The following IL16 variants were observed in gnomAD, a reference collection of about 807,000 sequenced individuals.
IL16 encodes interleukin 16, also known as pro-interleukin-16.
A neutral mutation model predicts 110.1 loss-of-function variants in IL16; 67 were observed. The ratio of observed to expected loss-of-function variants is 0.61; its 90% CI spans 0.50 to 0.75. The LOEUF (loss-of-function observed/expected upper bound fraction) is 0.75. Among genes scored for constraint, IL16 ranks in the 30% least tolerant of loss-of-function variants. The probability of loss-of-function intolerance (pLI) is 0.00; values close to 1 mark genes in which losing one functional copy is unlikely to be tolerated. For missense variants in IL16, 1,545 were observed against 1,655.0 expected, an observed-to-expected ratio of 0.93 and a Z score of 1.15; for synonymous variants, 689 against 662.9, an observed-to-expected ratio of 1.04 and a Z score of -0.61.
At chr15:81,283,388 A>T (rs999063675) in intron 9 of IL16, among the ~76,000 whole-genome samples, 1 of 151,956 alleles carries the variant, frequency 6.6e-6, no homozygotes, top group Non-Finnish European at 1.5e-5. Context: ...AAAAAAAGAG[A>T]ATGATCTGGG....
At chr15:81,268,341 A>G (rs1057332411) in intron 4 of IL16, among the ~76,000 whole-genome samples, 1 of 152,288 alleles carries the variant, frequency 6.6e-6, no homozygotes, top group Non-Finnish European at 1.5e-5. Context: ...ACAAACAGCT[A>G]TACAGCCAAG....
chr15:81,292,976 G>A lies in IL16; in HGVS notation c.1841G>A (p.Ser614Asn). The A allele has an allele frequency of 2.5e-6, 4 of 1,613,800 alleles. No individual in the cohort carries two copies. Among genetic ancestry groups the A allele is most frequent in the Non-Finnish European group, 3.4e-6 (4 of 1,180,048 alleles). Residue 614 changes from serine (S) to asparagine (N), a missense_variant, in exon 12 of 19, where the codon AGT becomes AAT. Around this residue, in one of 3 missense-constraint regions of IL16, gnomAD observed 1,185 missense variants for 1,238.8 expected, o/e 0.96. Coordinates refer to ENST00000683961, the MANE Select transcript of IL16 (RefSeq NM_172217.5). ...YFKSDSDPQK[S>N]LEERENSSCS... ...AAAAGTGACAGTGACCCTCAGAAGAGTCTGGAAGAGAGAGAGAACTCCTCA... is the reference window on the plus strand; with the variant it reads ...AAAAGTGACAGTGACCCTCAGAAGAATCTGGAAGAGAGAGAGAACTCCTCA...
At chr15:81,243,033 G>C (rs991609181) in intron 2 of IL16, among the ~76,000 whole-genome samples, 1 of 149,444 alleles carries the variant, frequency 6.7e-6, no homozygotes, top group African/African-American at 2.5e-5. Flanking sequence ...CTTGAATATT[G>C]AGCCATCCTT....
Position 81,303,649 on chromosome 15 carries a change from C to T in IL16, c.3419C>T (p.Thr1140Met), listed in dbSNP as rs373703375. Reference sequence around the variant, plus strand: ...GCAGATCTAGAAAACAAGGTGATTACGGTGAGTGGCCAAGTGAAGGGGCAT... The same window carrying T: ...GCAGATCTAGAAAACAAGGTGATTATGGTGAGTGGCCAAGTGAAGGGGCAT... ...GGADLENKVI[T>M]VHRVFPNGLA... is the part of the protein sequence containing the mutation. Residue 1140 changes from threonine to methionine, a missense_variant and splice_region_variant, in exon 16 of 19, where the codon ACG (threonine) becomes ATG (methionine). By Grantham distance (81) the Thr-to-Met change is moderately conservative. This residue lies in a region of IL16 where 356 missense variants were observed against 399.3 expected (regional missense o/e 0.89). Coordinates refer to ENST00000683961, the MANE Select transcript of IL16 (RefSeq NM_172217.5). This position sits in a 1 kb window ranked among gnomAD's most constrained non-coding sequence, Gnocchi z 4.1. 53 of 1,598,962 alleles carry T rather than the reference C, an allele frequency of 3.3e-5. No individual in the cohort carries two copies. Among genetic ancestry groups the T allele is most frequent in the Middle Eastern group, 3.3e-4 (2 of 6,042 alleles).
rs1023669299 is a variant in IL16 at position 81,313,828 on chromosome 15, T to C, written c.*5030T>C. 1 of 153,208 alleles carries C rather than the reference T, an allele frequency of 6.5e-6. No individual in the cohort carries two copies. The highest frequency in any genetic ancestry group is 1.5e-5 in the Non-Finnish European group (1 of 68,764). 9.5% of individuals were successfully genotyped at this position (153,208 alleles called of 1,614,324 possible). A position where few individuals can be genotyped will look rare whatever the true frequency, so the allele number is the denominator to read the frequency against. On this transcript the variant is annotated 3_prime_UTR_variant, in exon 19 of 19. Transcript: ENST00000683961. The stretch of plus-strand genomic sequence containing the variant: ...GGGTCTACAAAGTTAACACTATTTT[T>C]ATAACAACACGAACATGTGATTCGC...
chr15:81,228,148 C>T (rs1247502186), intron 2 of IL16, among the ~76,000 whole-genome samples: 8 of 152,034 alleles, frequency 5.3e-5, no homozygotes, highest in Non-Finnish European at 1.2e-4. Context: ...CTGGGGTCTC[C>T]GGGCACAGGT....
intron 2 of IL16, among the ~76,000 whole-genome samples, chr15:81,256,332 C>CTTTTT (rs386383603): frequency 7.2e-5 from 9 of 125,746 alleles, no homozygotes; most frequent in African/African-American, 1.9e-4. Flanking sequence ...TCTTTACAAA[C>CTTTTT]TTTTTTTTTT....
At chr15:81,219,767 G>T (rs999931898) in intron 1 of IL16, among the ~76,000 whole-genome samples, 1 of 152,158 alleles carries the variant, frequency 6.6e-6, no homozygotes, top group African/African-American at 2.4e-5. Context: ...TCATTCTGTG[G>T]TCCTAGCTGA....
chr15:81,205,065 G>T (rs1895965989), intron 1 of IL16, among the ~76,000 whole-genome samples: 1 of 152,110 alleles, frequency 6.6e-6, no homozygotes, highest in South Asian at 2.1e-4. Context: ...CCAGCACCTT[G>T]GGGGGCCAAG....
At chr15:81,188,554 G>T (rs1412402429) in intron 1 of IL16, among the ~76,000 whole-genome samples, 1 of 152,152 alleles carries the variant, frequency 6.6e-6, no homozygotes, top group East Asian at 1.9e-4. Flanking sequence ...CCAGGGGATA[G>T]GTACTCAGGC....
At chr15:81,250,865 A>G (rs1369168619) in intron 2 of IL16, among the ~76,000 whole-genome samples, 1 of 152,214 alleles carries the variant, frequency 6.6e-6, no homozygotes, top group Non-Finnish European at 1.5e-5. Flanking sequence ...CAAACTTAAA[A>G]TGAAGATATA....
At chr15:81,274,443 C>T (rs111488278) in intron 6 of IL16, among the ~76,000 whole-genome samples, 11,716 of 152,214 alleles carry the variant, frequency 0.077, 1,408 homozygotes, top group African/African-American at 0.26. Context: ...AGGGTGCCCC[C>T]ATCTCAGCCT....
At chr15:81,298,521 A>T (rs1460504239) in intron 13 of IL16, among the ~76,000 whole-genome samples, 1 of 152,170 alleles carries the variant, frequency 6.6e-6, no homozygotes, top group Admixed American at 6.5e-5. Context: ...GCACATTGCA[A>T]TCCCCTGCTC....
intron 6 of IL16, among the ~76,000 whole-genome samples, chr15:81,276,602 C>T (rs560056503): frequency 6.6e-6 from 1 of 152,250 alleles, no homozygotes; most frequent in South Asian, 2.1e-4. Flanking sequence ...CCTCAGTTGG[C>T]CAAAAACATC....
rs1900989814 is a variant in IL16 at position 81,313,701 on chromosome 15, C to T, written c.*4903C>T. On this transcript the variant is annotated 3_prime_UTR_variant, in exon 19 of 19. Transcript: ENST00000683961. ...GCCCGATTCACTCAGCAAATGCTTTCAGAGAACTCACTTTGTGCCAGGCCC... is the reference window on the plus strand; with the variant it reads ...GCCCGATTCACTCAGCAAATGCTTTTAGAGAACTCACTTTGTGCCAGGCCC... 2 of 220,322 alleles carry T rather than the reference C, an allele frequency of 9.1e-6. No homozygotes were observed. Among genetic ancestry groups the T allele is most frequent in the Non-Finnish European group, 1.8e-5 (2 of 112,738 alleles). 13.6% of individuals were successfully genotyped at this position (220,322 alleles called of 1,614,324 possible).
In IL16 at chr15:81,265,567, C is replaced by T; in HGVS notation, c.422-92C>T. On this transcript the variant is annotated intron_variant, in intron 3 of 18. Coordinates refer to ENST00000683961, the MANE Select transcript of IL16 (RefSeq NM_172217.5). The stretch of plus-strand genomic sequence containing the variant: ...TAAGTGGTTTACAGTCACACTGGCC[C>T]CTGGCTAATGAGGGGCTGATATTGT... 2.1e-6 allele frequency: 3 copies of T among 1,432,162 alleles called. 1 individual carries two copies. The South Asian group carries it at 3.9e-5, about 19-fold the overall frequency. The allele number at this position is 1,432,162 out of a possible 1,614,324, so 88.7% of individuals were successfully genotyped here.
intron 2 of IL16, among the ~76,000 whole-genome samples, chr15:81,243,477 G>A (rs1023479910): frequency 6.6e-6 from 1 of 151,882 alleles, no homozygotes; most frequent in Non-Finnish European, 1.5e-5. Flanking sequence ...GAGCCACCAT[G>A]TCTGGCCATG....
At chr15:81,278,675 G>A (rs1899023471) in intron 6 of IL16, 142 bp from the exon 7 acceptor site, 5 of 674,798 alleles carry the variant, frequency 7.4e-6, no homozygotes, top group Non-Finnish European at 1.1e-5. Flanking sequence ...CAAGGGGAGA[G>A]CACAAAATGA....
intron 3 of IL16, among the ~76,000 whole-genome samples, chr15:81,261,494 C>T (rs1323730301): frequency 1.3e-5 from 2 of 152,332 alleles, no homozygotes; most frequent in Non-Finnish European, 2.9e-5. Flanking sequence ...CTTGGTGCTG[C>T]AGTGCTGGTG....
Sources: gnomAD v4.1 joint callset for allele counts (sites outside exome capture counted in the v4.1 genomes callset) on GRCh38, gnomAD v4.1.1 for gene constraint, gnomAD v4.1.1 regional missense constraint, Gnocchi (gnomAD v3.1) non-coding constraint, MANE v1.5 for transcripts, NCBI Gene and HGNC (gene_info 2026-07-23, HGNC 2026-07-21) for gene names.